The following SNX29 variants were observed in gnomAD, a reference collection of about 807,000 sequenced individuals.
SNX29 encodes the protein sorting nexin-29.
In SNX29, 78 loss-of-function variants were observed where a neutral mutation model predicts 102.1. The observed-to-expected ratio is 0.76, with a 90% CI of 0.64 to 0.92. The LOEUF (loss-of-function observed/expected upper bound fraction) is 0.92. SNX29 is among the 40% of genes least tolerant of loss of function. SNX29 has a pLI of 0.00. For missense variants in SNX29, 1,280 were observed against 1,061.7 expected (o/e 1.21, Z -2.86); for synonymous variants, 580 against 414.5 (o/e 1.40, Z -4.85).
At chr16:12,506,609 A>G (rs183815981) in intron 19 of SNX29, among the ~76,000 whole-genome samples, 1 of 152,358 alleles carries the variant, frequency 6.6e-6, no homozygotes, top group East Asian at 1.9e-4. Context: ...AAAGAAAGAA[A>G]AGAAAGATGA....
At chr16:12,521,121 A>G (rs182816391) in intron 19 of SNX29, among the ~76,000 whole-genome samples, 2 of 152,190 alleles carry the variant, frequency 1.3e-5, no homozygotes, top group African/African-American at 4.8e-5. Context: ...CGGAGGTTGC[A>G]GTGAGCTGAG....
intron 13 of SNX29, among the ~76,000 whole-genome samples, chr16:12,161,642 C>T (rs830701): frequency 0.43 from 65,982 of 152,068 alleles, 18,893 homozygotes; most frequent in African/African-American, 0.82. Flanking sequence ...TATTGGGTCA[C>T]GGGGACAGGT....
At chr16:12,410,566 CT>C (rs1166522617) in intron 18 of SNX29, among the ~76,000 whole-genome samples, 1 of 152,150 alleles carries the variant, frequency 6.6e-6, no homozygotes, top group African/African-American at 2.4e-5. Flanking sequence ...CTGCCTCAGC[CT>C]CCTAAGTATC....
chr16:12,126,530 A>G (rs1026303230), intron 11 of SNX29, 103 bp from the exon 12 acceptor site: 7 of 1,209,182 alleles, frequency 5.8e-6, no homozygotes, highest in East Asian at 2.5e-5. Context: ...AAGGGAACTT[A>G]TCTAGACAAG....
intron 20 of SNX29, among the ~76,000 whole-genome samples, chr16:12,543,568 C>G (rs988462075): frequency 6.6e-6 from 1 of 152,216 alleles, no homozygotes; most frequent in African/African-American, 2.4e-5. Context: ...GCCACGAGAT[C>G]ACGCTTCCGT....
At chr16:12,517,984 G>GGT (rs2151940530) in intron 19 of SNX29, among the ~76,000 whole-genome samples, 1 of 152,294 alleles carries the variant, frequency 6.6e-6, no homozygotes, top group East Asian at 1.9e-4. Context: ...TTACAATGTT[G>GGT]GTGAGGGTCG....
intron 20 of SNX29, among the ~76,000 whole-genome samples, chr16:12,565,060 C>G (rs1041052126): frequency 1.3e-5 from 2 of 152,162 alleles, no homozygotes; most frequent in African/African-American, 4.8e-5. Flanking sequence ...TCCCCTGTAG[C>G]AAAGGGGCCC....
intron 15 of SNX29, chr16:12,297,460 T>G (rs1239010578): frequency 1.3e-5 from 2 of 152,234 alleles, no homozygotes; most frequent in African/African-American, 2.4e-5. Context: ...CAAAGCTCTT[T>G]TCCTCGGTGT....
chr16:12,319,520 G>T (rs1481214781), intron 15 of SNX29, among the ~76,000 whole-genome samples: 1 of 152,170 alleles, frequency 6.6e-6, no homozygotes, highest in African/African-American at 2.4e-5. Context: ...CCTCTTCAGA[G>T]ACACTCATAT....
intron 20 of SNX29, among the ~76,000 whole-genome samples, chr16:12,558,008 G>A (rs952972342): frequency 1.3e-5 from 2 of 152,152 alleles, no homozygotes; most frequent in Non-Finnish European, 2.9e-5. Context: ...TGGGCTGGGT[G>A]CTGCAGTGGG....
In SNX29 at chr16:12,386,847, G is replaced by A. The variant is rs117411137; in HGVS notation, c.1900-11599G>A. Among the ~76,000 whole-genome samples, 17 of 150,740 alleles carry A rather than the reference G, an allele frequency of 1.1e-4. No homozygotes were observed. The East Asian group carries it at 3.4e-3, about 30-fold the overall frequency. ...AATAAGAGAGAGCCACACCTAGGTC[G>A]GGCGTGGTGACTCACGCCTGTAATC... On this transcript the variant is annotated intron_variant, in intron 16 of 20. Coordinates refer to ENST00000566228, the MANE Select transcript of SNX29 (RefSeq NM_032167.5).
In SNX29 at chr16:12,446,301, C is replaced by A. The variant is rs2086051111; in HGVS notation, c.2038-31418C>A. 3.9e-5 allele frequency among the ~76,000 whole-genome samples: 6 copies of A among 152,320 alleles called. No homozygotes were observed. The South Asian group carries it at 1.2e-3, about 32-fold the overall frequency. On this transcript the variant is annotated intron_variant, in intron 18 of 20. Transcript: ENST00000566228. ...GAACTCCTGACCTCAAGTGATCCAC[C>A]CGCCTTGGCCTCCCAAAGTGCTGGG...
rs1350479173 is a variant in SNX29 at position 12,570,579 on chromosome 16, G to A, written c.*1950G>A. The A allele has an allele frequency of 8.6e-6, 2 of 232,066 alleles. No homozygotes were observed. The highest frequency in any genetic ancestry group is 1.7e-5 in the Non-Finnish European group (2 of 117,434). 14.4% of individuals were successfully genotyped at this position (232,066 alleles called of 1,614,324 possible). Reference sequence around the variant, plus strand: ...GAGACTGTCTCAGGAGTGCCTCCCTGGCCTGGGTAGCTACCCTGGAGGTCA... The same window carrying A: ...GAGACTGTCTCAGGAGTGCCTCCCTAGCCTGGGTAGCTACCCTGGAGGTCA... On this transcript the variant is annotated 3_prime_UTR_variant, in exon 21 of 21. Coordinates refer to ENST00000566228, the MANE Select transcript of SNX29 (RefSeq NM_032167.5).
chr16:12,495,182 G>A (rs1278046183), intron 19 of SNX29, among the ~76,000 whole-genome samples: 1 of 151,572 alleles, frequency 6.6e-6, no homozygotes, highest in Non-Finnish European at 1.5e-5. Context: ...TTTGAGTCTT[G>A]CTCTGTTGCT....
chr16:12,109,917 G>C (rs1195406652), intron 11 of SNX29, among the ~76,000 whole-genome samples: 2 of 152,228 alleles, frequency 1.3e-5, no homozygotes, highest in South Asian at 2.1e-4. Flanking sequence ...TTTTAGTAGA[G>C]ACAGAGTTTC....
At position 11,976,754 on chromosome 16, in the gene SNX29, A is replaced by T; in HGVS notation, c.-53A>T. ...GGCCTGTCTGGAGCTCGGCAGCCGC[A>T]GAAGCGGCAGCGGCGGCGGCGCGGC... is the stretch of plus-strand genomic sequence containing the variant. On this transcript the variant is annotated 5_prime_UTR_variant, in exon 1 of 21. Transcript: ENST00000566228. 8.0e-7 allele frequency: 1 copy of T among 1,250,768 alleles called. No homozygotes were observed. Among genetic ancestry groups the T allele is most frequent in the Non-Finnish European group, 1.0e-6 (1 of 977,158 alleles). The allele number at this position is 1,250,768 out of a possible 1,614,324, so 77.5% of individuals were successfully genotyped here. A position where few individuals can be genotyped will look rare whatever the true frequency, so the allele number is the denominator to read the frequency against.
intron 15 of SNX29, among the ~76,000 whole-genome samples, chr16:12,316,996 A>G (rs1389039973): frequency 6.6e-6 from 1 of 152,220 alleles, no homozygotes; most frequent in East Asian, 1.9e-4. Flanking sequence ...GAAACCTCAC[A>G]TTCAGTGATT....
At chr16:12,215,931 A>G (rs768991956) in intron 14 of SNX29, among the ~76,000 whole-genome samples, 1 of 152,190 alleles carries the variant, frequency 6.6e-6, no homozygotes, top group South Asian at 2.1e-4. Flanking sequence ...GCCCATCAGG[A>G]GTGGTGCGTG....
At chr16:12,562,015 C>T (rs185790541) in intron 20 of SNX29, among the ~76,000 whole-genome samples, 3 of 152,262 alleles carry the variant, frequency 2.0e-5, no homozygotes, top group Admixed American at 2.0e-4. Flanking sequence ...ACCCAGGAGG[C>T]CTGGCCCCTC....
Sources: allele counts gnomAD v4.1 joint callset (sites outside exome capture counted in the v4.1 genomes callset), GRCh38; gene constraint gnomAD v4.1.1; transcripts MANE v1.5; gene names NCBI Gene and HGNC (gene_info 2026-07-23, HGNC 2026-07-21).